The following FAM24B variants were observed in gnomAD, a reference collection of about 807,000 sequenced individuals.
The protein encoded by FAM24B is protein FAM24B.
A neutral mutation model predicts 2.3 loss-of-function variants in FAM24B; 3 were observed. The observed-to-expected ratio is 1.29, with a 90% confidence interval of 0.59 to 3.32. The LOEUF (loss-of-function observed/expected upper bound fraction) is 3.32, where lower values mean the gene tolerates loss of function less well. FAM24B is among the 30% of genes most tolerant of loss of function. The pLI is 0.03. For missense variants in FAM24B, 98 were observed against 117.2 expected (o/e 0.84, Z 0.76); for synonymous variants, 36 against 46.3 (o/e 0.78, Z 0.90).
intron 1 of FAM24B, among the ~76,000 whole-genome samples, 177 bp downstream of exon 1, chr10:122,879,308 G>C (rs1301976387): frequency 6.6e-6 from 1 of 152,244 alleles, no homozygotes; most frequent in Non-Finnish European, 1.5e-5. Context: ...TATGAGAGAG[G>C]CAGGGAGAGT....
intron 1 of FAM24B, among the ~76,000 whole-genome samples, chr10:122,863,822 T>C (rs556326919): frequency 1.3e-5 from 2 of 152,332 alleles, no homozygotes; most frequent in Admixed American, 1.3e-4. Flanking sequence ...CAGTGTCGGC[T>C]ACAAGCCCAC....
intron 2 of FAM24B, chr10:122,850,884 A>G: frequency 4.4e-6 from 1 of 225,932 alleles, no homozygotes; most frequent in Non-Finnish European, 9.0e-6. Context: ...AGTGGAGCTG[A>G]TGGCGTCACT....
chr10:122,863,750 T>C (rs1428252097), intron 1 of FAM24B, among the ~76,000 whole-genome samples: 1 of 152,232 alleles, frequency 6.6e-6, no homozygotes, highest in African/African-American at 2.4e-5. Flanking sequence ...TTGCCAGGGC[T>C]CTTTACCAAC....
rs569340815 is a variant in FAM24B, at chr10:122,849,091, G to A, written c.*156C>T. 2.3e-5 allele frequency: 11 copies of A among 470,240 alleles called. No individual in the cohort carries two copies. Among genetic ancestry groups the A allele is most frequent in the East Asian group, 3.6e-5 (1 of 27,954 alleles). The allele number at this position is 470,240 out of a possible 1,614,324, so 29.1% of individuals were successfully genotyped here. ...AATCAAAAAATATTGGCAGCAAAGA[G>A]GATTATTTTTAATAGTGTACATTTA... On this transcript the variant is annotated 3_prime_UTR_variant, in exon 4 of 4. Coordinates refer to ENST00000368898, the MANE Select transcript of FAM24B (RefSeq NM_152644.3).
intron 2 of FAM24B, among the ~76,000 whole-genome samples, chr10:122,851,660 C>T (rs1847539442): frequency 6.6e-6 from 1 of 152,074 alleles, no homozygotes; most frequent in Admixed American, 6.5e-5. Context: ...AGTCTGATTC[C>T]CAGAGATGCT....
Position 122,849,182 on chromosome 10 carries a change from T to C in FAM24B, c.*65A>G. 1 of 1,241,426 alleles carries C rather than the reference T, an allele frequency of 8.1e-7. No homozygotes were observed. Among genetic ancestry groups the C allele is most frequent in the Non-Finnish European group, 1.1e-6 (1 of 917,454 alleles). The allele number at this position is 1,241,426 out of a possible 1,614,324, so 76.9% of individuals were successfully genotyped here. A position where few individuals can be genotyped will look rare whatever the true frequency, so the allele number is the denominator to read the frequency against. On this transcript the variant is annotated 3_prime_UTR_variant, in exon 4 of 4. Coordinates refer to ENST00000368898, the MANE Select transcript of FAM24B (RefSeq NM_152644.3). ...CACATAAAAACACTAGAACTTGATTTGAATAACAAAACAATCTACTAAGAA... is the reference window on the plus strand; with the variant it reads ...CACATAAAAACACTAGAACTTGATTCGAATAACAAAACAATCTACTAAGAA...
chr10:122,857,252 G>C (rs574294056), intron 1 of FAM24B, among the ~76,000 whole-genome samples: 1 of 152,276 alleles, frequency 6.6e-6, no homozygotes, highest in African/African-American at 2.4e-5. Flanking sequence ...ACACAAGAGT[G>C]ACATTCCATC....
At chr10:122,877,359 G>A (rs555212824) in intron 1 of FAM24B, among the ~76,000 whole-genome samples, 75 of 152,206 alleles carry the variant, frequency 4.9e-4, no homozygotes, top group Middle Eastern at 3.4e-3. Flanking sequence ...AGTGGTGGAG[G>A]TCGCTAGGCT....
At chr10:122,857,786 C>T (rs1847663031) in intron 1 of FAM24B, among the ~76,000 whole-genome samples, 1 of 152,144 alleles carries the variant, frequency 6.6e-6, no homozygotes, top group Non-Finnish European at 1.5e-5. Flanking sequence ...AAGTACAAAC[C>T]CTTCAAACTC....
At chr10:122,861,557 T>C (rs533896957) in intron 1 of FAM24B, among the ~76,000 whole-genome samples, 6 of 152,218 alleles carry the variant, frequency 3.9e-5, no homozygotes, top group African/African-American at 9.6e-5. Context: ...ATAGTGGATT[T>C]TCCTATCCAT....
At chr10:122,875,085 T>C (rs1847957076) in intron 1 of FAM24B, among the ~76,000 whole-genome samples, 1 of 152,188 alleles carries the variant, frequency 6.6e-6, no homozygotes, top group South Asian at 2.1e-4. Context: ...TTATACATGT[T>C]ATTACAAGTT....
At chr10:122,863,263 T>A (rs1368138788) in intron 1 of FAM24B, among the ~76,000 whole-genome samples, 2 of 152,230 alleles carry the variant, frequency 1.3e-5, no homozygotes, top group Admixed American at 6.5e-5. Context: ...GCACTAGCTC[T>A]TAGATATTTC....
At chr10:122,853,665 G>C (rs1029851007) in intron 2 of FAM24B, among the ~76,000 whole-genome samples, 3 of 152,184 alleles carry the variant, frequency 2.0e-5, no homozygotes, top group Non-Finnish European at 4.4e-5. Context: ...AGGGCAAGAG[G>C]ATTGGATTGA....
intron 1 of FAM24B, among the ~76,000 whole-genome samples, chr10:122,873,399 G>A (rs1008461220): frequency 1.3e-5 from 2 of 152,202 alleles, no homozygotes; most frequent in Admixed American, 1.3e-4. Context: ...TTGGTTTACT[G>A]AATATTTTAA....
chr10:122,865,568 T>C (rs1331693475), intron 1 of FAM24B, among the ~76,000 whole-genome samples: 1 of 152,222 alleles, frequency 6.6e-6, no homozygotes, highest in African/African-American at 2.4e-5. Context: ...GGTATTGGTC[T>C]GTATGTTTCC....
At chr10:122,854,891 G>T (rs958338567) in intron 2 of FAM24B, among the ~76,000 whole-genome samples, 1 of 152,004 alleles carries the variant, frequency 6.6e-6, no homozygotes, top group Non-Finnish European at 1.5e-5. Flanking sequence ...AACAAATGGT[G>T]CAAACACCCC....
chr10:122,855,058 T>A (rs1369800943), intron 2 of FAM24B, among the ~76,000 whole-genome samples: 1 of 152,232 alleles, frequency 6.6e-6, no homozygotes, highest in Non-Finnish European at 1.5e-5. Flanking sequence ...CTTCAGACTC[T>A]TGGTGCAGAT....
intron 2 of FAM24B, among the ~76,000 whole-genome samples, chr10:122,853,923 C>G (rs1847590986): frequency 6.6e-6 from 1 of 152,152 alleles, no homozygotes; most frequent in African/African-American, 2.4e-5. Context: ...TACCTGATTG[C>G]TGTTTGATAG....
At chr10:122,867,175 T>C (rs1228266959) in intron 1 of FAM24B, among the ~76,000 whole-genome samples, 2 of 152,196 alleles carry the variant, frequency 1.3e-5, no homozygotes, top group African/African-American at 4.8e-5. Flanking sequence ...CTCTCTTCAA[T>C]TCTGTGAAAG....
Sources: allele counts gnomAD v4.1 joint callset (sites outside exome capture counted in the v4.1 genomes callset), GRCh38; gene constraint gnomAD v4.1.1; transcripts MANE v1.5; gene names NCBI Gene and HGNC (gene_info 2026-07-23, HGNC 2026-07-21).